The following PASD1 variants were observed in gnomAD, a reference collection of about 807,000 sequenced individuals.
PASD1 encodes the protein PAS domain containing repressor 1.
PASD1 carries 13 observed loss-of-function variants against 58.8 expected under a neutral mutation model. The ratio of observed to expected loss-of-function variants is 0.22; its 90% confidence interval spans 0.14 to 0.35. The LOEUF (loss-of-function observed/expected upper bound fraction) is 0.35, where lower values mean the gene tolerates loss of function less well. Among genes scored for constraint, PASD1 ranks in the 10% least tolerant of loss-of-function variants. The pLI, the probability that PASD1 is intolerant of heterozygous loss-of-function variation, is 1.00. For missense variants in PASD1, 734 were observed against 568.3 expected (o/e 1.29, Z -2.96); for synonymous variants, 236 against 216.7 (o/e 1.09, Z -0.78).
At chrX:151,573,388 G>C (rs1466100251) in intron 1 of PASD1, among the ~76,000 whole-genome samples, 1 of 112,483 alleles carries the variant, frequency 8.9e-6, no homozygotes, top group Non-Finnish European at 1.9e-5. Flanking sequence ...CTCTGGAGAA[G>C]TAACAAGTTC....
rs765004264 is a variant in PASD1, at chrX:151,672,399, C to A, written c.1654C>A (p.Gln552Lys). The A allele has an allele frequency of 8.3e-7, 1 of 1,207,008 alleles. No homozygotes were observed. The highest frequency in any genetic ancestry group is 1.7e-5 in the African/African-American group (1 of 57,278). Reference protein sequence around the residue: ...KLQERKKWQGQMLQKEPEEEQ... With the variant: ...KLQERKKWQGKMLQKEPEEEQ... ...ACAGGAGCGGAAGAAGTGGCAGGGGCAGATGCTACAGAAAGAGCCAGAGGA... is the reference window on the plus strand; with the variant it reads ...ACAGGAGCGGAAGAAGTGGCAGGGGAAGATGCTACAGAAAGAGCCAGAGGA... Residue 552 changes from glutamine to lysine, a missense_variant, in exon 14 of 16, where the codon CAG becomes AAG. Physicochemically the swap from Gln to Lys is moderately conservative, Grantham distance 53. Transcript: ENST00000370357.
intron 1 of PASD1, among the ~76,000 whole-genome samples, chrX:151,567,190 A>G (rs1238841988): frequency 8.9e-6 from 1 of 111,814 alleles, no homozygotes; most frequent in Non-Finnish European, 1.9e-5. Context: ...CACCTGATTT[A>G]GAGGTGGACT....
chrX:151,620,501 C>T (rs1193530177), intron 4 of PASD1, among the ~76,000 whole-genome samples: 1 of 108,889 alleles, frequency 9.2e-6, no homozygotes, highest in East Asian at 2.9e-4. Flanking sequence ...GCTCGGGGGT[C>T]GGAGGTTTGA....
intron 1 of PASD1, among the ~76,000 whole-genome samples, chrX:151,571,371 C>G (rs1307388115): frequency 1.8e-5 from 2 of 111,754 alleles, no homozygotes; most frequent in Non-Finnish European, 3.8e-5. Flanking sequence ...AGAGGCTGCT[C>G]CCATCTGTGC....
At chrX:151,675,669 C>T (rs1762483098) in intron 15 of PASD1, among the ~76,000 whole-genome samples, 2 of 112,105 alleles carry the variant, frequency 1.8e-5, no homozygotes, top group Admixed American at 1.9e-4. Context: ...GAGCCCAAGA[C>T]CCAAGGCTAG....
chrX:151,612,503 G>T (rs751913508), intron 4 of PASD1, among the ~76,000 whole-genome samples: 5 of 109,832 alleles, frequency 4.6e-5, no homozygotes, highest in Non-Finnish European at 9.5e-5. Context: ...TTTAATGATC[G>T]CCATTCTAAC....
chrX:151,673,592 T>C, intron 14 of PASD1: 1 of 296,829 alleles, frequency 3.4e-6, no homozygotes, highest in Non-Finnish European at 6.0e-6. Flanking sequence ...TGCCTTACAG[T>C]CTCTGCTCAG....
chrX:151,627,878 CTT>C (rs1290686011), intron 8 of PASD1, among the ~76,000 whole-genome samples: 2 of 111,440 alleles, frequency 1.8e-5, no homozygotes, highest in African/African-American at 3.3e-5. Context: ...TCTTTCCTGA[CTT>C]TTTAATGATC....
chrX:151,644,925 A>G (rs1426058145), intron 8 of PASD1, among the ~76,000 whole-genome samples: 1 of 110,906 alleles, frequency 9.0e-6, no homozygotes, highest in East Asian at 2.8e-4. Context: ...TTTCAGGCTT[A>G]ATTCCCAGGG....
In PASD1 at chrX:151,662,539, C is replaced by A. The variant is rs138368021; in HGVS notation, c.842-1580C>A. Among the ~76,000 whole-genome samples the A allele has an allele frequency of 3.8e-3, 424 of 111,327 alleles. 3 individuals carry two copies. The highest frequency in any genetic ancestry group is 0.013 in the African/African-American group (406 of 30,608). ...TTACAGGTGTGTCACTACTTCTAAACCCTCTCAGTGGACTAGGAAAGATGT... is the reference window on the plus strand; with the variant it reads ...TTACAGGTGTGTCACTACTTCTAAAACCTCTCAGTGGACTAGGAAAGATGT... On this transcript the variant is annotated intron_variant, in intron 10 of 15. Coordinates refer to ENST00000370357, the MANE Select transcript of PASD1 (RefSeq NM_173493.3).
At chrX:151,615,408 C>T (rs755871947) in intron 4 of PASD1, among the ~76,000 whole-genome samples, 1 of 110,872 alleles carries the variant, frequency 9.0e-6, no homozygotes, top group African/African-American at 3.3e-5. Context: ...GATCAGTGTA[C>T]TTAAAAATAA....
At chrX:151,650,184 A>T (rs772635707) in intron 9 of PASD1, among the ~76,000 whole-genome samples, 1 of 111,383 alleles carries the variant, frequency 9.0e-6, no homozygotes, top group South Asian at 3.8e-4. Context: ...CCATCAGTGT[A>T]ACATCTACAC....
chrX:151,662,322 CAT>C (rs1375321965), intron 10 of PASD1, among the ~76,000 whole-genome samples: 1 of 110,642 alleles, frequency 9.0e-6, no homozygotes, highest in African/African-American at 3.3e-5. Context: ...AGCTTTGGCT[CAT>C]GGGGCTCTTT....
At chrX:151,605,075 C>A (rs1050571845) in intron 3 of PASD1, among the ~76,000 whole-genome samples, 1 of 111,798 alleles carries the variant, frequency 8.9e-6, no homozygotes, top group Non-Finnish European at 1.9e-5. Flanking sequence ...AATGAATTAG[C>A]CTTCAAGTAG....
chrX:151,667,135 G>A (rs1178281622), intron 11 of PASD1, among the ~76,000 whole-genome samples: 1 of 112,085 alleles, frequency 8.9e-6, no homozygotes, highest in East Asian at 2.8e-4. Flanking sequence ...CTGATGGCCA[G>A]TGATGCTGAG....
At position 151,625,437 on chromosome X, in the gene PASD1, T is replaced by C; in HGVS notation, c.547-11T>C. 1 of 1,194,314 alleles carries C rather than the reference T, an allele frequency of 8.4e-7. No individual in the cohort carries two copies. Among genetic ancestry groups the C allele is most frequent in the African/African-American group, 1.7e-5 (1 of 57,349 alleles). On this transcript the variant is annotated splice_polypyrimidine_tract_variant and intron_variant, in intron 7 of 15. Coordinates refer to ENST00000370357, the MANE Select transcript of PASD1 (RefSeq NM_173493.3). ...CATATTAAATGTCTAAATATTTGAA[T>C]TTTTCTGCAGCAACTTTACACTTCA...
chrX:151,602,677 CAG>C (rs1225663615), intron 2 of PASD1, among the ~76,000 whole-genome samples: 2 of 106,308 alleles, frequency 1.9e-5, no homozygotes, highest in Non-Finnish European at 3.9e-5. Flanking sequence ...GCCTGGGAGA[CAG>C]AGCAAGACTC....
chrX:151,629,011 A>T (rs1295243482), intron 8 of PASD1, among the ~76,000 whole-genome samples: 1 of 112,099 alleles, frequency 8.9e-6, no homozygotes, highest in Admixed American at 9.4e-5. Context: ...TTGGTGTATA[A>T]GAATGCTTGT....
intron 8 of PASD1, among the ~76,000 whole-genome samples, chrX:151,640,579 ACTTT>A (rs1346539306): frequency 4.5e-5 from 5 of 111,431 alleles, no homozygotes; most frequent in Non-Finnish European, 7.5e-5. Context: ...AACAGAGCAA[ACTTT>A]CTTTATATCT....
Sources: gnomAD v4.1 joint callset for allele counts (sites outside exome capture counted in the v4.1 genomes callset) on GRCh38, gnomAD v4.1.1 for gene constraint, MANE v1.5 for transcripts, NCBI Gene and HGNC (gene_info 2026-07-23, HGNC 2026-07-21) for gene names.